The following ADGRG5 variants were observed in gnomAD, a reference collection of about 807,000 sequenced individuals.
ADGRG5 encodes the protein G protein-coupled receptor 114.
A neutral mutation model predicts 53.2 loss-of-function variants in ADGRG5; 37 were observed. That is an observed-to-expected ratio of 0.70 (90% CI 0.53 to 0.91). ADGRG5 has a LOEUF of 0.91. ADGRG5 is among the 40% of genes least tolerant of loss of function. The probability of loss-of-function intolerance (pLI) is 0.00; values close to 1 mark genes in which losing one functional copy is unlikely to be tolerated. For missense variants in ADGRG5, 614 were observed against 675.8 expected (o/e 0.91, Z 1.01); for synonymous variants, 277 against 290.4 (o/e 0.95, Z 0.47).
At chr16:57,529,395 T>C in the ADGRG5 span, 1 of 401,828 alleles carries the variant, frequency 2.5e-6, no homozygotes, top group Non-Finnish European at 3.6e-6. The surrounding 1 kb of genome is among the most constrained non-coding windows in gnomAD (Gnocchi z 4.1). Context: ...GCCAAGGCCC[T>C]GGCGGAGGGA....
chr16:57,531,054 G>A, the ADGRG5 span, among the ~76,000 whole-genome samples: 1 of 151,400 alleles, frequency 6.6e-6, no homozygotes, highest in Admixed American at 6.6e-5. Flanking sequence ...GGCTGTCATC[G>A]GGCCCTGGGC....
chr16:57,562,268 TGGGG>T, intron 2 of ADGRG5, 111 bp downstream of exon 2: 1 of 1,411,198 alleles, frequency 7.1e-7, no homozygotes, highest in South Asian at 1.2e-5. Context: ...TTAGGCTTCC[TGGGG>T]GCAGCAGGAG....
At position 57,563,100 on chromosome 16, in the gene ADGRG5, C is replaced by G; in HGVS notation, c.150C>G (p.His50Gln). Residue 50 changes from histidine (H) to glutamine (Q), a missense_variant, in exon 4 of 12, where the codon CAC (histidine) becomes CAG (glutamine). Coordinates refer to ENST00000349457, the MANE Select transcript of ADGRG5 (RefSeq NM_001304376.3). ...TCTCTCTGGGCTGCAGTCAACTCCA[C>G]CAGCTGGAGCAGATGCTACTGAACA... ...RSSVFSSRQL[H>Q]QLEQMLLNTS... The G allele has an allele frequency of 6.2e-7, 1 of 1,614,146 alleles. No homozygotes were observed. The highest frequency in any genetic ancestry group is 1.3e-5 in the African/African-American group (1 of 75,052).
chr16:57,564,446 C>T lies in ADGRG5; in HGVS notation c.429+467C>T, dbSNP rs1249660122. 3.9e-5 allele frequency among the ~76,000 whole-genome samples: 6 copies of T among 152,102 alleles called. No individual in the cohort carries two copies. In the South Asian group the frequency reaches 6.2e-4, roughly 16 times the overall value. ...TGCCTCAGCCTCCTGGGATTACAGG[C>T]GTGTGCCATCATGCCCAGCTAATTT... On this transcript the variant is annotated intron_variant, in intron 5 of 11. Transcript: ENST00000349457.
At chr16:57,562,268 T>G (rs1389351693) in intron 2 of ADGRG5, 111 bp downstream of exon 2, 1 of 1,411,198 alleles carries the variant, frequency 7.1e-7, no homozygotes, top group African/African-American at 1.4e-5. Context: ...TTAGGCTTCC[T>G]GGGGGCAGCA....
intron 1 of ADGRG5, among the ~76,000 whole-genome samples, chr16:57,555,539 C>T (rs1261498899): frequency 6.6e-6 from 1 of 152,172 alleles, no homozygotes; most frequent in Non-Finnish European, 1.5e-5. Context: ...AGCAATTACT[C>T]AGAGACAAAT....
chr16:57,536,907 C>T, the ADGRG5 span, among the ~76,000 whole-genome samples: 1 of 152,150 alleles, frequency 6.6e-6, no homozygotes, highest in African/African-American at 2.4e-5. Flanking sequence ...ACGGCCACCG[C>T]GGGTCCCAGC....
At chr16:57,570,327 T>G in intron 9 of ADGRG5, 91 bp from the exon 10 acceptor site, 1 of 755,674 alleles carries the variant, frequency 1.3e-6, no homozygotes, top group Non-Finnish European at 2.3e-6. Context: ...CCTTGACCAG[T>G]GAAATTCTGT....
At chr16:57,573,631 G>A (rs1284389630) in intron 10 of ADGRG5, among the ~76,000 whole-genome samples, 2 of 152,204 alleles carry the variant, frequency 1.3e-5, no homozygotes, top group Non-Finnish European at 2.9e-5. Flanking sequence ...TGTAAATGAG[G>A]AGGATGAAGT....
intron 1 of ADGRG5, among the ~76,000 whole-genome samples, chr16:57,555,428 A>G (rs1009748002): frequency 2.0e-5 from 3 of 152,158 alleles, no homozygotes; most frequent in Non-Finnish European, 1.5e-5. Flanking sequence ...CCCTTTGAAG[A>G]GGTGCCTTCC....
intron 1 of ADGRG5, among the ~76,000 whole-genome samples, chr16:57,557,525 A>G (rs1219157554): frequency 1.3e-5 from 2 of 151,864 alleles, no homozygotes; most frequent in African/African-American, 2.4e-5. Flanking sequence ...AAAATTGGCC[A>G]TTTTTTAATT....
chr16:57,567,712 A>T, intron 8 of ADGRG5, 121 bp downstream of exon 8: 1 of 1,424,494 alleles, frequency 7.0e-7, no homozygotes, highest in Non-Finnish European at 9.6e-7. Flanking sequence ...AGGAGGCGGG[A>T]GACCAGCCTT....
At chr16:57,565,200 C>A in intron 6 of ADGRG5, 50 bp downstream of exon 6, 4 of 1,110,016 alleles carry the variant, frequency 3.6e-6, no homozygotes, top group Non-Finnish European at 5.5e-6. Context: ...CCCTCTGTGA[C>A]TCTCCTGTTG....
chr16:57,529,216 G>C, the ADGRG5 span: 2 of 1,153,092 alleles, frequency 1.7e-6, no homozygotes, highest in Non-Finnish European at 2.1e-6. This position sits in a 1 kb window ranked among gnomAD's most constrained non-coding sequence, Gnocchi z 4.1. Flanking sequence ...ACTCGCGGTC[G>C]GGCTCAGGGG....
At chr16:57,554,583 A>G (rs776427587) in intron 1 of ADGRG5, among the ~76,000 whole-genome samples, 38 of 152,012 alleles carry the variant, frequency 2.5e-4, no homozygotes, top group Non-Finnish European at 3.7e-4. Context: ...TCACCGTGTT[A>G]GCCAGGATGG....
intron 7 of ADGRG5, among the ~76,000 whole-genome samples, chr16:57,567,105 ATCT>A (rs1190157659): frequency 8.5e-5 from 13 of 152,140 alleles, no homozygotes; most frequent in Non-Finnish European, 1.6e-4. Flanking sequence ...GTGGAATAAA[ATCT>A]TCTTTTACCC....
intron 3 of ADGRG5, chr16:57,562,728 G>T (rs1859260): frequency 1.8e-6 from 1 of 542,588 alleles, no homozygotes; most frequent in African/African-American, 1.9e-5. Flanking sequence ...GGGGGTCTAA[G>T]ATTCTGGCTG....
the ADGRG5 span, chr16:57,536,436 C>G: frequency 6.6e-6 from 1 of 152,316 alleles, no homozygotes; most frequent in Non-Finnish European, 1.5e-5. Context: ...GGAAGGCGCG[C>G]GGCCTGGAGC....
At chr16:57,556,908 CTTTTT>C (rs35948606) in intron 1 of ADGRG5, among the ~76,000 whole-genome samples, 27 of 115,740 alleles carry the variant, frequency 2.3e-4, no homozygotes, top group African/African-American at 9.5e-4. Context: ...TTGCCTTCTT[CTTTTT>C]TTTTTTTTTT....
Sources: allele counts gnomAD v4.1 joint callset (sites outside exome capture counted in the v4.1 genomes callset), GRCh38; gene constraint gnomAD v4.1.1; non-coding constraint Gnocchi (gnomAD v3.1); transcripts MANE v1.5; gene names NCBI Gene and HGNC (gene_info 2026-07-23, HGNC 2026-07-21).